Variants in RANBP2 observed in about 807,000 individuals in gnomAD.
RANBP2 encodes the protein RAN binding protein 2.
In RANBP2, 57 loss-of-function variants were observed where a neutral mutation model predicts 303.6. The observed-to-expected ratio is 0.19, with a 90% CI of 0.15 to 0.23. RANBP2 has a LOEUF of 0.23. Ranked by LOEUF, RANBP2 falls within the 10% of genes least tolerant of loss-of-function variation. RANBP2 has a pLI of 1.00. For synonymous variants in RANBP2, 1,167 were observed against 1,301.5 expected (o/e 0.90, Z 2.23); for missense variants, 3,138 against 3,780.8 (o/e 0.83, Z 4.46).
At chr2:109,264,510 A>G in the RANBP2 span, among the ~76,000 whole-genome samples, 3 of 152,392 alleles carry the variant, frequency 2.0e-5, no homozygotes, top group African/African-American at 7.2e-5. Context: ...TGCTCGATAG[A>G]TAGAAGATGG....
At chr2:109,559,756 C>T in the RANBP2 span, among the ~76,000 whole-genome samples, 1 of 152,100 alleles carries the variant, frequency 6.6e-6, no homozygotes, top group African/African-American at 2.4e-5. Context: ...CATTCTTTCC[C>T]TGGACTATGA....
the RANBP2 span, among the ~76,000 whole-genome samples, chr2:109,253,434 G>T: frequency 6.6e-6 from 1 of 152,314 alleles, no homozygotes; most frequent in South Asian, 2.1e-4. Flanking sequence ...GGACGTGGGC[G>T]CTGCTTTCCG....
chr2:109,226,963 A>C, the RANBP2 span, among the ~76,000 whole-genome samples: 1 of 152,220 alleles, frequency 6.6e-6, no homozygotes, highest in African/African-American at 2.4e-5. Flanking sequence ...TTCATGGCTC[A>C]GATGATGCCA....
the RANBP2 span, among the ~76,000 whole-genome samples, chr2:109,130,718 TCTC>T: frequency 6.6e-6 from 1 of 152,210 alleles, no homozygotes; most frequent in Admixed American, 6.5e-5. Context: ...GCCAAGGTCT[TCTC>T]CTGGGCTCCC....
chr2:108,843,706 T>G, the RANBP2 span, among the ~76,000 whole-genome samples: 3 of 152,060 alleles, frequency 2.0e-5, no homozygotes, highest in African/African-American at 7.2e-5. Context: ...TTAGTTTTTA[T>G]AAGTTTGACT....
At chr2:108,930,037 C>G in the RANBP2 span, 1 of 1,506,414 alleles carries the variant, frequency 6.6e-7, no homozygotes, top group Admixed American at 2.0e-5. Context: ...CCTCACACAG[C>G]AAGGCAGGCT....
At chr2:109,449,160 C>T in the RANBP2 span, 5 of 1,612,060 alleles carry the variant, frequency 3.1e-6, no homozygotes, top group Non-Finnish European at 4.2e-6. Context: ...CTCTCCAACC[C>T]CGTCTCCAGC....
At chr2:109,526,724 G>C in the RANBP2 span, among the ~76,000 whole-genome samples, 1 of 152,184 alleles carries the variant, frequency 6.6e-6, no homozygotes, top group Admixed American at 6.5e-5. Flanking sequence ...ACCGATGACA[G>C]CTGCAATTGA....
the RANBP2 span, among the ~76,000 whole-genome samples, chr2:109,424,382 C>T: frequency 6.6e-6 from 1 of 152,214 alleles, no homozygotes; most frequent in Non-Finnish European, 1.5e-5. Flanking sequence ...TCCCTGGACC[C>T]TGTCCAGTGG....
the RANBP2 span, chr2:109,347,966 G>C: frequency 6.3e-7 from 1 of 1,583,636 alleles, no homozygotes; most frequent in Non-Finnish European, 8.6e-7. Context: ...TGAGCCCCGG[G>C]GTGGGCCCCG....
At chr2:109,565,412 C>A in the RANBP2 span, among the ~76,000 whole-genome samples, 9 of 152,216 alleles carry the variant, frequency 5.9e-5, no homozygotes, top group African/African-American at 2.2e-4. Context: ...ATACTTTGAT[C>A]AGTAAAAATA....
At chr2:109,703,641 C>T in the RANBP2 span, among the ~76,000 whole-genome samples, 6 of 152,072 alleles carry the variant, frequency 3.9e-5, no homozygotes, top group East Asian at 1.2e-3. Context: ...GTTGGTCAGG[C>T]TGGTCTCAAA....
chr2:109,553,955 T>C, the RANBP2 span, among the ~76,000 whole-genome samples: 1 of 152,174 alleles, frequency 6.6e-6, no homozygotes, highest in South Asian at 2.1e-4. Flanking sequence ...TGAAGCAATG[T>C]ATGATTAAAC....
At chr2:109,371,654 C>T in the RANBP2 span, 18 of 1,613,786 alleles carry the variant, frequency 1.1e-5, no homozygotes, top group Admixed American at 5.0e-5. Flanking sequence ...GAGACAAGAT[C>T]GGGATCTTCC....
At chr2:109,703,140 C>T in the RANBP2 span, among the ~76,000 whole-genome samples, 1 of 152,264 alleles carries the variant, frequency 6.6e-6, no homozygotes, top group Non-Finnish European at 1.5e-5. Context: ...TACATATTAA[C>T]CAAACAACAT....
At chr2:109,151,783 T>C in the RANBP2 span, among the ~76,000 whole-genome samples, 20 of 152,262 alleles carry the variant, frequency 1.3e-4, no homozygotes, top group Non-Finnish European at 2.2e-4. Flanking sequence ...CTGGCACCAG[T>C]GCACTTTTTA....
At chr2:109,004,355 G>A in the RANBP2 span, among the ~76,000 whole-genome samples, 1 of 152,204 alleles carries the variant, frequency 6.6e-6, no homozygotes, top group South Asian at 2.1e-4. Flanking sequence ...TTCTCAGAAT[G>A]GTCTCAGACT....
chr2:109,476,764 C>T, the RANBP2 span, among the ~76,000 whole-genome samples: 1 of 152,180 alleles, frequency 6.6e-6, no homozygotes, highest in African/African-American at 2.4e-5. Context: ...GACAGCAGCC[C>T]TGAGGGCTGC....
the RANBP2 span, among the ~76,000 whole-genome samples, chr2:109,408,830 A>T: frequency 6.6e-6 from 1 of 152,206 alleles, no homozygotes; most frequent in Non-Finnish European, 1.5e-5. Context: ...CTGGATGGAG[A>T]AGCCTCTGGC....
Sources: gnomAD v4.1 joint callset for allele counts (sites outside exome capture counted in the v4.1 genomes callset) on GRCh38, gnomAD v4.1.1 for gene constraint, MANE v1.5 for transcripts, NCBI Gene and HGNC (gene_info 2026-07-23, HGNC 2026-07-21) for gene names.